Variants in APBB2 observed in about 807,000 individuals in gnomAD.
APBB2 encodes the protein Fe65-like 1.
Under a neutral mutation model 82.5 loss-of-function variants are expected in APBB2, and 38 were observed. The observed-to-expected ratio is 0.46, with a 90% CI of 0.36 to 0.60. APBB2 has a LOEUF of 0.60. APBB2 is among the 20% of genes least tolerant of loss of function. The probability of loss-of-function intolerance (pLI) is 0.00; values close to 1 mark genes in which losing one functional copy is unlikely to be tolerated. For missense variants in APBB2, 772 were observed against 972.3 expected (o/e 0.79, Z 2.74); for synonymous variants, 341 against 368.2 (o/e 0.93, Z 0.85).
At chr4:40,845,642 T>G (rs549634388) in intron 12 of APBB2, among the ~76,000 whole-genome samples, 1 of 141,754 alleles carries the variant, frequency 7.1e-6, no homozygotes, top group Admixed American at 7.2e-5. Flanking sequence ...ACAATGTCTA[T>G]TCCAGCTTTT....
At chr4:41,167,021 AT>A in intron 1 of APBB2, among the ~76,000 whole-genome samples, 1 of 152,380 alleles carries the variant, frequency 6.6e-6, no homozygotes, top group South Asian at 2.1e-4. Flanking sequence ...GGGTTTCCAC[AT>A]AAGCCCTCCC....
intron 1 of APBB2, among the ~76,000 whole-genome samples, chr4:41,210,263 T>C (rs1251124516): frequency 6.6e-6 from 1 of 152,208 alleles, no homozygotes; most frequent in Admixed American, 6.5e-5. Flanking sequence ...CACAGATCTC[T>C]AGACTGGGAC....
chr4:40,851,354 G>A (rs146128386), intron 12 of APBB2, among the ~76,000 whole-genome samples: 1 of 152,254 alleles, frequency 6.6e-6, no homozygotes, highest in Non-Finnish European at 1.5e-5. Context: ...CCATGTGGAC[G>A]TCTGCCCCAG....
intron 1 of APBB2, among the ~76,000 whole-genome samples, chr4:41,167,489 G>C (rs370298471): frequency 5.9e-5 from 9 of 152,090 alleles, no homozygotes; most frequent in African/African-American, 2.2e-4. Flanking sequence ...AGGGTTTTAG[G>C]AGCTCTGTGA....
At chr4:40,845,586 C>T (rs1757232847) in intron 12 of APBB2, among the ~76,000 whole-genome samples, 1 of 28,124 alleles carries the variant, frequency 3.6e-5, no homozygotes, top group Non-Finnish European at 7.2e-5. Flanking sequence ...AAGGAAATTC[C>T]TCAAAAAAAA....
intron 1 of APBB2, among the ~76,000 whole-genome samples, chr4:41,207,411 G>C (rs1156732835): frequency 6.6e-6 from 1 of 152,008 alleles, no homozygotes; most frequent in East Asian, 1.9e-4. Flanking sequence ...CACAATTCTA[G>C]GTTCTATGGC....
intron 12 of APBB2, among the ~76,000 whole-genome samples, chr4:40,876,703 ATAT>A (rs1287583484): frequency 6.6e-6 from 1 of 152,196 alleles, no homozygotes; most frequent in Non-Finnish European, 1.5e-5. Flanking sequence ...GATAATTGTT[ATAT>A]TATTTTTAAA....
intron 12 of APBB2, among the ~76,000 whole-genome samples, chr4:40,874,544 G>A (rs1766365266): frequency 6.6e-6 from 1 of 152,174 alleles, no homozygotes; most frequent in Non-Finnish European, 1.5e-5. Context: ...GTAAATGAAA[G>A]TCTGAAACTC....
intron 1 of APBB2, among the ~76,000 whole-genome samples, chr4:41,208,443 G>C (rs1190325772): frequency 1.3e-5 from 2 of 152,118 alleles, no homozygotes. Context: ...TGTATTTTTA[G>C]CAGAGACGGG....
chr4:40,828,323 G>C lies in APBB2; in HGVS notation c.1645-1104C>G, dbSNP rs149146230. ...TTACATACAGTGCTGTGGGTTTAGG[G>C]ACTGAAAGAAGCCCACCCTTTAGTG... is the stretch of plus-strand genomic sequence containing the variant. On this transcript the variant is annotated intron_variant, in intron 13 of 17. Coordinates refer to ENST00000508593, the MANE Select transcript of APBB2 (RefSeq NM_004307.2). Among the ~76,000 whole-genome samples the C allele has an allele frequency of 3.5e-3, 527 of 152,256 alleles. 11 individuals are homozygous for C. Among genetic ancestry groups the C allele is most frequent in the Admixed American group, 0.031 (477 of 15,286 alleles).
At chr4:41,060,371 A>C (rs1489193358) in intron 4 of APBB2, among the ~76,000 whole-genome samples, 1 of 152,218 alleles carries the variant, frequency 6.6e-6, no homozygotes, top group African/African-American at 2.4e-5. Flanking sequence ...TAAGTTTCTA[A>C]GCAAGTACTT....
chr4:40,881,354 C>A, intron 12 of APBB2: 2 of 985,120 alleles, frequency 2.0e-6, no homozygotes, highest in South Asian at 9.4e-5. Flanking sequence ...CTCAGAGAAT[C>A]CCCTACTAGA....
intron 12 of APBB2, among the ~76,000 whole-genome samples, chr4:40,868,279 C>A (rs1764545261): frequency 6.6e-6 from 1 of 152,192 alleles, no homozygotes; most frequent in East Asian, 1.9e-4. Flanking sequence ...TGGGGCAAAG[C>A]CAGCTTTGTT....
chr4:41,190,742 C>T (rs945303518), intron 1 of APBB2, among the ~76,000 whole-genome samples: 6 of 152,124 alleles, frequency 3.9e-5, no homozygotes, highest in African/African-American at 1.2e-4. Flanking sequence ...CATAAAAACA[C>T]GGCTTGACTC....
At chr4:41,013,476 C>T in intron 6 of APBB2, 107 bp downstream of exon 6, 1 of 1,059,164 alleles carries the variant, frequency 9.4e-7, no homozygotes, top group Non-Finnish European at 1.4e-6. Context: ...GGCTCACGTT[C>T]CTCTCTGCAT....
chr4:40,822,328 T>C (rs1748280663), intron 16 of APBB2: 2 of 373,294 alleles, frequency 5.4e-6, no homozygotes, highest in South Asian at 7.7e-5. Flanking sequence ...GAGTTCACTG[T>C]GGGGAGGGAC....
At chr4:41,099,397 T>A (rs576243855) in intron 3 of APBB2, among the ~76,000 whole-genome samples, 1 of 152,026 alleles carries the variant, frequency 6.6e-6, no homozygotes, top group Non-Finnish European at 1.5e-5. Context: ...CCCAGCTAAT[T>A]TTTTTGTATT....
At chr4:41,064,205 C>T (rs1228312321) in intron 4 of APBB2, among the ~76,000 whole-genome samples, 1 of 151,386 alleles carries the variant, frequency 6.6e-6, no homozygotes, top group South Asian at 2.1e-4. Context: ...GTCTCCATCT[C>T]CTGATCTTGT....
At chr4:40,829,376 G>A (rs1751067343) in intron 13 of APBB2, among the ~76,000 whole-genome samples, 1 of 152,158 alleles carries the variant, frequency 6.6e-6, no homozygotes, top group African/African-American at 2.4e-5. Flanking sequence ...CGGGGGTGGT[G>A]GATCTGGAGA....
Sources: gnomAD v4.1 joint callset for allele counts (sites outside exome capture counted in the v4.1 genomes callset) on GRCh38, gnomAD v4.1.1 for gene constraint, MANE v1.5 for transcripts, NCBI Gene and HGNC (gene_info 2026-07-23, HGNC 2026-07-21) for gene names.